Variants in SNRPD3 observed in about 807,000 individuals in gnomAD.
The protein encoded by SNRPD3 is small nuclear ribonucleoprotein Sm D3.
For synonymous variants in SNRPD3, 66 were observed against 58.4 expected, an observed-to-expected ratio of 1.13 and a Z score of -0.59; for missense variants, 73 against 167.5, an observed-to-expected ratio of 0.44 and a Z score of 3.11.
chr22:24,555,787 G>GC, upstream of SNRPD3: 1 of 1,549,696 alleles, frequency 6.5e-7, no homozygotes, highest in Non-Finnish European at 8.7e-7. Context: ...CTCTTTGCCG[G>GC]CCCCAAGGGT....
At chr22:24,556,398 A>C (rs2045066375) in intron 1 of SNRPD3, among the ~76,000 whole-genome samples, 1 of 144,868 alleles carries the variant, frequency 6.9e-6, no homozygotes, top group African/African-American at 2.6e-5. Flanking sequence ...TTAAGTAGAG[A>C]CGGGGTTTCA....
intron 2 of SNRPD3, among the ~76,000 whole-genome samples, chr22:24,563,306 A>T (rs143828469): frequency 0.016 from 1,044 of 65,172 alleles, 7 homozygotes; most frequent in South Asian, 0.036. Flanking sequence ...ATATATATAT[A>T]TTTTTTTTTT....
chr22:24,556,545 C>G (rs1040272982), intron 1 of SNRPD3, among the ~76,000 whole-genome samples: 1 of 152,142 alleles, frequency 6.6e-6, no homozygotes, highest in African/African-American at 2.4e-5. Context: ...TATCTCTGCC[C>G]CAGTCCCCTT....
rs2045257272 is a variant in SNRPD3, at chr22:24,572,343, C to T, written c.*366C>T. 4 of 576,108 alleles carry T rather than the reference C, an allele frequency of 6.9e-6. No individual in the cohort carries two copies. In the East Asian group the frequency reaches 8.7e-5, roughly 13 times the overall value. 35.7% of individuals were successfully genotyped at this position (576,108 alleles called of 1,614,324 possible). Reference sequence around the variant, plus strand: ...ACCTTGGAGAAGCTCCGAGAACACACAGATTGTGTCTCATTCATCTTCAGA... The same window carrying T: ...ACCTTGGAGAAGCTCCGAGAACACATAGATTGTGTCTCATTCATCTTCAGA... On this transcript the variant is annotated 3_prime_UTR_variant, in exon 4 of 4. Coordinates refer to ENST00000215829, the MANE Select transcript of SNRPD3 (RefSeq NM_004175.5).
intron 3 of SNRPD3, among the ~76,000 whole-genome samples, chr22:24,568,843 C>T (rs2045221944): frequency 6.6e-6 from 1 of 152,246 alleles, no homozygotes; most frequent in African/African-American, 2.4e-5. Context: ...GCGTGAGCCA[C>T]TGCGCCCGGC....
At chr22:24,555,746 G>C, upstream of SNRPD3, 3 of 1,550,650 alleles carry the variant, frequency 1.9e-6, no homozygotes, top group Non-Finnish European at 2.6e-6. Flanking sequence ...CCTTGGTGTG[G>C]GGTGCTTGGA....
At position 24,572,286 on chromosome 22, in the gene SNRPD3, G is replaced by A. The variant is rs2045256815; in HGVS notation, c.*309G>A. On this transcript the variant is annotated 3_prime_UTR_variant, in exon 4 of 4. Coordinates refer to ENST00000215829, the MANE Select transcript of SNRPD3 (RefSeq NM_004175.5). ...GATGAGATTTTAAGCTGCTGTTCCT[G>A]GCCAGTTGCAGGTTAAGCCCCAGAA... The A allele has an allele frequency of 1.7e-6, 1 of 606,058 alleles. No individual in the cohort carries two copies. Among genetic ancestry groups the A allele is most frequent in the Non-Finnish European group, 2.9e-6 (1 of 343,752 alleles). The allele number at this position is 606,058 out of a possible 1,614,324, so 37.5% of individuals were successfully genotyped here.
At position 24,571,948 on chromosome 22, in the gene SNRPD3, C is replaced by A; in HGVS notation, c.352C>A (p.Arg118Ser). The A allele has an allele frequency of 6.2e-7, 1 of 1,613,984 alleles. No individual in the cohort carries two copies. The highest frequency in any genetic ancestry group is 8.5e-7 in the Non-Finnish European group (1 of 1,179,920). Residue 118 changes from arginine to serine, a missense_variant, in exon 4 of 4, where the codon CGT (arginine) becomes AGT (serine). Transcript: ENST00000215829. The part of the protein sequence containing the change: ...AARGRGRGMG[R>S]GNIFQKRR ...AAGAGGAAGAGGACGTGGAATGGGACGTGGAAACATCTTTCAAAAGCGAAG... is the reference window on the plus strand; with the variant it reads ...AAGAGGAAGAGGACGTGGAATGGGAAGTGGAAACATCTTTCAAAAGCGAAG...
chr22:24,561,975 T>A (rs1380669712), intron 2 of SNRPD3, among the ~76,000 whole-genome samples: 1 of 152,176 alleles, frequency 6.6e-6, no homozygotes, highest in Non-Finnish European at 1.5e-5. Flanking sequence ...CACTCCAGCC[T>A]GGGCGACGGA....
chr22:24,559,207 C>G (rs1460417693), intron 2 of SNRPD3, among the ~76,000 whole-genome samples: 1 of 152,162 alleles, frequency 6.6e-6, no homozygotes, highest in Admixed American at 6.5e-5. Context: ...TAGCTTTGAG[C>G]GTCTGTCATC....
intron 2 of SNRPD3, among the ~76,000 whole-genome samples, chr22:24,565,721 C>T (rs1049702434): frequency 3.9e-5 from 6 of 152,006 alleles, no homozygotes; most frequent in Admixed American, 1.3e-4. Context: ...AATACAGTGG[C>T]GTGATTTTGG....
At chr22:24,569,402 G>T (rs2045227899) in intron 3 of SNRPD3, among the ~76,000 whole-genome samples, 1 of 152,212 alleles carries the variant, frequency 6.6e-6, no homozygotes, top group Non-Finnish European at 1.5e-5. Flanking sequence ...AGCCAAGGAA[G>T]GCACTGGATT....
intron 2 of SNRPD3, 146 bp downstream of exon 2, chr22:24,557,946 A>AT: frequency 5.7e-6 from 4 of 702,000 alleles, no homozygotes; most frequent in Admixed American, 3.7e-5. Context: ...AGGTGCTGTT[A>AT]TAGGCTCTGG....
Position 24,572,821 on chromosome 22 carries a change from T to C in SNRPD3, c.*844T>C, listed in dbSNP as rs2045261480. Reference sequence around the variant, plus strand: ...CAGCTTCCTTGGCTCGTATACTGGCTACAACAAGTAGTTTTGTGGTGATTT... The same window carrying C: ...CAGCTTCCTTGGCTCGTATACTGGCCACAACAAGTAGTTTTGTGGTGATTT... On this transcript the variant is annotated 3_prime_UTR_variant, in exon 4 of 4. Coordinates refer to ENST00000215829, the MANE Select transcript of SNRPD3 (RefSeq NM_004175.5). 1 of 152,418 alleles carries C rather than the reference T, an allele frequency of 6.6e-6. No homozygotes were observed. The highest frequency in any genetic ancestry group is 1.5e-5 in the Non-Finnish European group (1 of 68,336). 9.4% of individuals were successfully genotyped at this position (152,418 alleles called of 1,614,324 possible).
At position 24,567,383 on chromosome 22, in the gene SNRPD3, G is replaced by A. The variant is rs146084507; in HGVS notation, c.127-601G>A. On this transcript the variant is annotated intron_variant, in intron 2 of 3. Coordinates refer to ENST00000215829, the MANE Select transcript of SNRPD3 (RefSeq NM_004175.5). ...GCTCTGAAGCTAGGCCAGCTGGTTC[G>A]AATCTGGAGTTCCCTGCATTCCAGC... Among the ~76,000 whole-genome samples, 1,359 of 152,328 alleles carry A rather than the reference G, an allele frequency of 8.9e-3. 8 individuals are homozygous for A. The highest frequency in any genetic ancestry group is 0.014 in the Non-Finnish European group (919 of 68,032).
rs141550297 is a variant in SNRPD3 at position 24,566,563 on chromosome 22, A to G, written c.127-1421A>G. On this transcript the variant is annotated intron_variant, in intron 2 of 3. Transcript: ENST00000215829. ...AGACATGAGCCACCACACCTGGCCC[A>G]TAGTTGTTCTTTTCTGAGTGTTCAA... Among the ~76,000 whole-genome samples, 586 of 152,256 alleles carry G rather than the reference A, an allele frequency of 3.8e-3. 2 individuals carry two copies. The highest frequency in any genetic ancestry group is 6.1e-3 in the Admixed American group (93 of 15,290).
At chr22:24,563,404 G>A (rs550232231) in intron 2 of SNRPD3, among the ~76,000 whole-genome samples, 119 of 151,976 alleles carry the variant, frequency 7.8e-4, no homozygotes, top group Non-Finnish European at 2.1e-4. Context: ...GTGCATCTGA[G>A]GTTAAGCTGG....
Position 24,574,726 on chromosome 22 carries a change from G to A in SNRPD3, c.*2749G>A, listed in dbSNP as rs1377068819. On this transcript the variant is annotated 3_prime_UTR_variant, in exon 4 of 4. Coordinates refer to ENST00000215829, the MANE Select transcript of SNRPD3 (RefSeq NM_004175.5). ...CTAGCTAATTTTTGTATTTTTTGTA[G>A]AGACAGGGTTTTGCCATGTTGCCCA... Among the ~76,000 whole-genome samples the A allele has an allele frequency of 1.3e-5, 2 of 152,092 alleles. No individual in the cohort carries two copies. The highest frequency in any genetic ancestry group is 1.5e-5 in the Non-Finnish European group (1 of 68,026).
intron 2 of SNRPD3, among the ~76,000 whole-genome samples, chr22:24,565,134 C>A (rs2045185215): frequency 6.6e-6 from 1 of 152,080 alleles, no homozygotes; most frequent in Admixed American, 6.6e-5. Flanking sequence ...GTCCTCCCAC[C>A]TTGGCCTCCC....
Sources: allele counts gnomAD v4.1 joint callset (sites outside exome capture counted in the v4.1 genomes callset), GRCh38; gene constraint gnomAD v4.1.1; transcripts MANE v1.5; gene names NCBI Gene and HGNC (gene_info 2026-07-23, HGNC 2026-07-21).